Variants in MDFIC2 observed in about 807,000 individuals in gnomAD.
The protein encoded by MDFIC2 is MyoD family inhibitor domain containing 2, also known as myoD family inhibitor domain-containing protein 2.
At chr3:70,257,901 G>A (rs1242411767) in intron 2 of MDFIC2, among the ~76,000 whole-genome samples, 2 of 152,120 alleles carry the variant, frequency 1.3e-5, no homozygotes, top group African/African-American at 4.8e-5. Context: ...TAATAATCAT[G>A]ACAGCATGGT....
intron 2 of MDFIC2, among the ~76,000 whole-genome samples, chr3:70,261,847 G>C (rs895272715): frequency 6.6e-6 from 1 of 152,056 alleles, no homozygotes; most frequent in Non-Finnish European, 1.5e-5. Flanking sequence ...CTGAATGCCC[G>C]AACCCTTTTA....
intron 2 of MDFIC2, among the ~76,000 whole-genome samples, chr3:70,264,998 G>C (rs958711311): frequency 6.6e-6 from 1 of 152,188 alleles, no homozygotes; most frequent in Non-Finnish European, 1.5e-5. Flanking sequence ...CAGCAAGAGA[G>C]CATGTGCAGG....
At chr3:70,233,400 A>G (rs1701579597) in intron 2 of MDFIC2, among the ~76,000 whole-genome samples, 1 of 152,190 alleles carries the variant, frequency 6.6e-6, no homozygotes, top group Admixed American at 6.5e-5. Context: ...ACAGGTATCT[A>G]ATATCTCATT....
intron 2 of MDFIC2, among the ~76,000 whole-genome samples, chr3:70,224,533 G>C (rs1338651948): frequency 6.6e-6 from 1 of 152,162 alleles, no homozygotes; most frequent in Non-Finnish European, 1.5e-5. Context: ...ACCCTGCAGA[G>C]GATACATTTA....
intron 2 of MDFIC2, among the ~76,000 whole-genome samples, chr3:70,248,825 T>C (rs140954664): frequency 9.9e-4 from 151 of 152,222 alleles, no homozygotes; most frequent in African/African-American, 3.4e-3. Flanking sequence ...ATGTGTGATA[T>C]GTTTGCCAGT....
intron 2 of MDFIC2, among the ~76,000 whole-genome samples, chr3:70,210,397 C>G (rs1701331690): frequency 6.6e-6 from 1 of 152,048 alleles, no homozygotes; most frequent in South Asian, 2.1e-4. Flanking sequence ...ATCTGACATA[C>G]ACACATTTGA....
intron 2 of MDFIC2, among the ~76,000 whole-genome samples, chr3:70,278,549 G>A (rs545178080): frequency 6.6e-6 from 1 of 152,194 alleles, no homozygotes; most frequent in Non-Finnish European, 1.5e-5. Flanking sequence ...ACTCTGTGCT[G>A]TTGTCAGCAT....
chr3:70,214,408 A>G (rs1461165684), intron 2 of MDFIC2, among the ~76,000 whole-genome samples: 1 of 152,116 alleles, frequency 6.6e-6, no homozygotes, highest in African/African-American at 2.4e-5. Flanking sequence ...AGCCTTTTCA[A>G]TCAGGCTTGG....
intron 2 of MDFIC2, among the ~76,000 whole-genome samples, chr3:70,282,529 T>G (rs1702097637): frequency 6.6e-6 from 1 of 152,322 alleles, no homozygotes; most frequent in African/African-American, 2.4e-5. Flanking sequence ...TCAGCCTGGT[T>G]CATTCTATTT....
chr3:70,226,284 A>T (rs1040958224), intron 2 of MDFIC2, among the ~76,000 whole-genome samples: 1 of 152,214 alleles, frequency 6.6e-6, no homozygotes, highest in African/African-American at 2.4e-5. Context: ...TTTGCTCTTC[A>T]ATGTGTGAGA....
At chr3:70,288,545 G>T (rs1489327795) in intron 2 of MDFIC2, among the ~76,000 whole-genome samples, 1 of 149,790 alleles carries the variant, frequency 6.7e-6, no homozygotes, top group Non-Finnish European at 1.5e-5. Context: ...ATTGATTTGG[G>T]GTGGAGAGTT....
At chr3:70,292,000 A>T (rs933149592) in intron 2 of MDFIC2, 3 of 152,230 alleles carry the variant, frequency 2.0e-5, no homozygotes, top group Non-Finnish European at 2.9e-5. Context: ...CATATACAAG[A>T]CACGATGGTT....
rs543281644 is a variant in MDFIC2 at position 70,305,863 on chromosome 3, T to C, written c.88+6023A>G. Reference sequence around the variant, plus strand: ...GTTTAGGAATGAGATGAGATTTTTCTATTATGCATTTGAGATTTTGCATTA... The same window carrying C: ...GTTTAGGAATGAGATGAGATTTTTCCATTATGCATTTGAGATTTTGCATTA... On this transcript the variant is annotated intron_variant, in intron 2 of 3. Transcript: ENST00000567252. Among the ~76,000 whole-genome samples, 51 of 152,330 alleles carry C rather than the reference T, an allele frequency of 3.3e-4. No homozygotes were observed. The South Asian group carries it at 9.7e-3, about 29-fold the overall frequency.
intron 2 of MDFIC2, chr3:70,271,947 G>A (rs759796608): frequency 1.3e-5 from 2 of 152,168 alleles, no homozygotes; most frequent in Admixed American, 6.6e-5. Flanking sequence ...TATTTTTGTA[G>A]AGACAACGTT....
At chr3:70,272,937 G>A (rs1352902043) in intron 2 of MDFIC2, among the ~76,000 whole-genome samples, 1 of 152,176 alleles carries the variant, frequency 6.6e-6, no homozygotes, top group East Asian at 1.9e-4. Flanking sequence ...AAAACCCTGA[G>A]GAGTCATTTA....
intron 2 of MDFIC2, among the ~76,000 whole-genome samples, chr3:70,277,961 A>G (rs1702043558): frequency 6.6e-6 from 1 of 152,136 alleles, no homozygotes; most frequent in Non-Finnish European, 1.5e-5. Context: ...TTGTTGAGCT[A>G]CAACTTACAT....
chr3:70,231,126 G>A (rs1055787376), intron 2 of MDFIC2, among the ~76,000 whole-genome samples: 1 of 152,136 alleles, frequency 6.6e-6, no homozygotes, highest in African/African-American at 2.4e-5. Flanking sequence ...AACACACAAG[G>A]GCATTTTCGT....
At chr3:70,267,684 G>A (rs1461544857) in intron 2 of MDFIC2, among the ~76,000 whole-genome samples, 2 of 151,152 alleles carry the variant, frequency 1.3e-5, no homozygotes, top group African/African-American at 4.9e-5. Flanking sequence ...CCAGAGTGCT[G>A]GGATTACAGG....
intron 2 of MDFIC2, among the ~76,000 whole-genome samples, chr3:70,278,634 T>C (rs1443315439): frequency 6.6e-6 from 1 of 152,178 alleles, no homozygotes; most frequent in Non-Finnish European, 1.5e-5. Context: ...AAAATATACT[T>C]GGCTCTAGAA....
Sources: gnomAD v4.1 joint callset for allele counts (sites outside exome capture counted in the v4.1 genomes callset) on GRCh38, gnomAD v4.1.1 for gene constraint, MANE v1.5 for transcripts, NCBI Gene and HGNC (gene_info 2026-07-23, HGNC 2026-07-21) for gene names.